BAIAP2L1: variants seen among roughly 807,000 people sequenced by gnomAD.
BAIAP2L1 encodes BAR/IMD domain containing adaptor protein 2 like 1.
BAIAP2L1 carries 35 observed loss-of-function variants against 66.3 expected under a neutral mutation model. That is an observed-to-expected ratio of 0.53 (90% CI 0.40 to 0.70). The LOEUF is 0.70. Ranked by LOEUF, BAIAP2L1 falls within the 30% of genes least tolerant of loss-of-function variation. The pLI is 0.00. For missense variants in BAIAP2L1, 622 were observed against 656.9 expected (o/e 0.95, Z 0.58); for synonymous variants, 269 against 248.7 (o/e 1.08, Z -0.77).
chr7:98,398,567 T>C (rs1382827066), intron 1 of BAIAP2L1, among the ~76,000 whole-genome samples: 1 of 152,130 alleles, frequency 6.6e-6, no homozygotes, highest in Non-Finnish European at 1.5e-5. Flanking sequence ...TTCAGACACC[T>C]GGCAATGGAA....
At chr7:98,364,467 G>T (rs1340572392) in intron 1 of BAIAP2L1, among the ~76,000 whole-genome samples, 1 of 152,118 alleles carries the variant, frequency 6.6e-6, no homozygotes, top group Non-Finnish European at 1.5e-5. Context: ...GATTGCCCTA[G>T]CATGGCCCTC....
chr7:98,318,668 G>A (rs564928361), intron 5 of BAIAP2L1, among the ~76,000 whole-genome samples: 26 of 151,708 alleles, frequency 1.7e-4, no homozygotes, highest in Admixed American at 2.6e-4. Context: ...ATGTCTGGCC[G>A]GCATGGTGGC....
At chr7:98,359,068 G>A (rs1033400636) in intron 2 of BAIAP2L1, among the ~76,000 whole-genome samples, 2 of 152,220 alleles carry the variant, frequency 1.3e-5, no homozygotes, top group Non-Finnish European at 2.9e-5. Context: ...TTGCAGGGCT[G>A]CATCCAGCCC....
At chr7:98,372,734 T>A (rs1180003135) in intron 1 of BAIAP2L1, among the ~76,000 whole-genome samples, 2 of 7,176 alleles carry the variant, frequency 2.8e-4, no homozygotes, top group Non-Finnish European at 7.9e-4. Flanking sequence ...TCGATTTTGG[T>A]TTTTTTTTTT....
intron 1 of BAIAP2L1, chr7:98,386,444 C>A: frequency 6.3e-7 from 1 of 1,596,518 alleles, no homozygotes; most frequent in South Asian, 1.1e-5. Flanking sequence ...TGGTGACGAG[C>A]GTCTTTCCAA....
chr7:98,377,978 A>T (rs565161207), intron 1 of BAIAP2L1, among the ~76,000 whole-genome samples: 2 of 151,934 alleles, frequency 1.3e-5, no homozygotes, highest in South Asian at 4.2e-4. Context: ...AAAAAAAAAA[A>T]ATACAAAAAT....
rs1485382871 is a variant in BAIAP2L1 at position 98,400,808 on chromosome 7, G to A, written c.45C>T (p.Thr15=). ...CCCCGGGCCCTGGGCTTACCCGGTA[G>A]GTGCTCTCCGTGAGCCGGTTCACCT... The part of the protein sequence containing the change: ...PEEVNRLTES[T]YRNVMEQFNP... The change falls in exon 1 of 14, where the codon ACC becomes ACT. Residue 15 remains threonine (T), a synonymous_variant. Transcript: ENST00000005260. The A allele has an allele frequency of 2.6e-6, 4 of 1,548,970 alleles. No individual in the cohort carries two copies. Among genetic ancestry groups the A allele is most frequent in the Middle Eastern group, 1.7e-4 (1 of 5,998 alleles).
At chr7:98,395,105 C>T (rs892931221) in intron 1 of BAIAP2L1, among the ~76,000 whole-genome samples, 1 of 149,462 alleles carries the variant, frequency 6.7e-6, no homozygotes, top group African/African-American at 2.5e-5. Flanking sequence ...AGCAAGACTC[C>T]GTCTCAAAAA....
At chr7:98,311,171 CAG>C (rs1194177230) in intron 8 of BAIAP2L1, among the ~76,000 whole-genome samples, 1 of 152,132 alleles carries the variant, frequency 6.6e-6, no homozygotes, top group African/African-American at 2.4e-5. Context: ...TGAATGCCAT[CAG>C]AGTGTGTCTA....
chr7:98,339,768 C>T (rs1334767675), intron 3 of BAIAP2L1, among the ~76,000 whole-genome samples: 2 of 152,344 alleles, frequency 1.3e-5, no homozygotes, highest in Middle Eastern at 3.4e-3. Flanking sequence ...CTAGTGTTTT[C>T]GTTCCTGACC....
At position 98,312,110 on chromosome 7, in the gene BAIAP2L1, T is replaced by A. The variant is rs1275215189; in HGVS notation, c.794A>T (p.Glu265Val). Residue 265 changes from glutamate (E) to valine (V), a missense_variant, in exon 8 of 14, where the codon GAG becomes GTG. Transcript: ENST00000005260. ...SGTPQASPMI[E>V]RSNVVRKDYD... The stretch of plus-strand genomic sequence containing the variant: ...ACTGGCTCCTACCACATTGCTTCTC[T>A]CGATCATGGGTGAAGCCTGAGGAGT... 3 of 1,599,918 alleles carry A rather than the reference T, an allele frequency of 1.9e-6. No individual in the cohort carries two copies. In the African/African-American group the frequency reaches 4.1e-5, roughly 22 times the overall value.
intron 1 of BAIAP2L1, among the ~76,000 whole-genome samples, chr7:98,362,852 A>C (rs184872030): frequency 1.3e-3 from 204 of 152,082 alleles, no homozygotes; most frequent in Middle Eastern, 3.4e-3. Flanking sequence ...TTTCAAATAG[A>C]TTTCGATGAA....
At chr7:98,326,764 G>A (rs1801388460) in intron 3 of BAIAP2L1, among the ~76,000 whole-genome samples, 2 of 152,110 alleles carry the variant, frequency 1.3e-5, no homozygotes, top group South Asian at 4.1e-4. Flanking sequence ...AGACTTGTCT[G>A]GACAAAAATC....
intron 3 of BAIAP2L1, among the ~76,000 whole-genome samples, chr7:98,338,145 C>A (rs191335381): frequency 6.6e-6 from 1 of 152,080 alleles, no homozygotes; most frequent in African/African-American, 2.4e-5. Flanking sequence ...TTAAGAGATG[C>A]CGTTAGGCGG....
intron 7 of BAIAP2L1, 134 bp from the exon 8 acceptor site, chr7:98,312,398 G>A (rs1045871245): frequency 3.0e-5 from 28 of 944,072 alleles, no homozygotes; most frequent in South Asian, 2.6e-4. Flanking sequence ...GGTTAAACTC[G>A]GTGAGCACTT....
intron 1 of BAIAP2L1, among the ~76,000 whole-genome samples, chr7:98,374,314 A>G (rs951857037): frequency 3.9e-5 from 6 of 152,194 alleles, no homozygotes; most frequent in Admixed American, 1.3e-4. Context: ...GAGGGCTACT[A>G]TGAATCCGGC....
intron 1 of BAIAP2L1, among the ~76,000 whole-genome samples, chr7:98,367,940 A>G (rs919052581): frequency 2.0e-5 from 3 of 151,918 alleles, no homozygotes; most frequent in African/African-American, 7.3e-5. Flanking sequence ...CATCATTTCT[A>G]TGAAATTTTA....
intron 1 of BAIAP2L1, among the ~76,000 whole-genome samples, chr7:98,391,092 T>C (rs1337051173): frequency 6.6e-6 from 1 of 151,246 alleles, no homozygotes; most frequent in East Asian, 2.0e-4. Flanking sequence ...TCTGCCCGCC[T>C]CGGCCTCCCA....
intron 3 of BAIAP2L1, among the ~76,000 whole-genome samples, chr7:98,332,760 G>A (rs1801526857): frequency 7.3e-6 from 1 of 137,308 alleles, no homozygotes; most frequent in South Asian, 2.3e-4. Flanking sequence ...AGTGAGCCGA[G>A]ATCACGCCGC....
Sources: gnomAD v4.1 joint callset for allele counts (sites outside exome capture counted in the v4.1 genomes callset) on GRCh38, gnomAD v4.1.1 for gene constraint, MANE v1.5 for transcripts, NCBI Gene and HGNC (gene_info 2026-07-23, HGNC 2026-07-21) for gene names.